Variants in NAALADL2 observed in about 807,000 individuals in gnomAD.
The protein encoded by NAALADL2 is inactive N-acetylated-alpha-linked acidic dipeptidase-like protein 2.
In NAALADL2, 76 loss-of-function variants were observed where a neutral mutation model predicts 87.2. That is an observed-to-expected ratio of 0.87 (90% CI 0.72 to 1.05). The LOEUF (loss-of-function observed/expected upper bound fraction) is 1.05. Among genes scored for constraint, NAALADL2 ranks in the 50% least tolerant of loss-of-function variants. The probability of loss-of-function intolerance (pLI) is 0.00; values close to 1 mark genes in which losing one functional copy is unlikely to be tolerated. For synonymous variants in NAALADL2, 354 were observed against 331.0 expected, an observed-to-expected ratio of 1.07 and a Z score of -0.75; for missense variants, 1,089 against 945.8, an observed-to-expected ratio of 1.15 and a Z score of -1.99.
intron 1 of NAALADL2, among the ~76,000 whole-genome samples, chr3:174,985,527 A>G (rs1448258582): frequency 2.0e-5 from 3 of 152,190 alleles, no homozygotes; most frequent in Non-Finnish European, 4.4e-5. Flanking sequence ...TTCTACCTGT[A>G]TATCTAAATT....
chr3:174,869,067 G>A (rs1475745146), intron 1 of NAALADL2, among the ~76,000 whole-genome samples: 3 of 152,006 alleles, frequency 2.0e-5, no homozygotes, highest in African/African-American at 7.3e-5. Context: ...ATTCATGCTG[G>A]GAATTTCTAT....
intron 2 of NAALADL2, among the ~76,000 whole-genome samples, chr3:174,594,097 T>C (rs555794685): frequency 1.5e-5 from 2 of 129,764 alleles, no homozygotes; most frequent in East Asian, 5.7e-4. Context: ...GAATTTTTTT[T>C]CTTTAGTCAG....
At chr3:175,673,499 A>C (rs929225672) in intron 11 of NAALADL2, among the ~76,000 whole-genome samples, 2 of 152,160 alleles carry the variant, frequency 1.3e-5, no homozygotes, top group Non-Finnish European at 2.9e-5. Flanking sequence ...CTGGACCTTA[A>C]ATTTCAACTG....
At chr3:175,405,687 A>G (rs1712207070) in intron 5 of NAALADL2, among the ~76,000 whole-genome samples, 1 of 147,874 alleles carries the variant, frequency 6.8e-6, no homozygotes, top group African/African-American at 2.5e-5. Flanking sequence ...AGAAATAACA[A>G]TGAACAATGA....
intron 1 of NAALADL2, among the ~76,000 whole-genome samples, chr3:175,008,695 A>G (rs969217877): frequency 6.6e-6 from 1 of 152,158 alleles, no homozygotes; most frequent in African/African-American, 2.4e-5. Flanking sequence ...TTCATGTTCT[A>G]GGCTATAGGG....
intron 10 of NAALADL2, among the ~76,000 whole-genome samples, chr3:175,576,869 A>T (rs1232314215): frequency 6.6e-6 from 1 of 152,236 alleles, no homozygotes; most frequent in Non-Finnish European, 1.5e-5. Context: ...AGAATGGCTT[A>T]CTTGAGGTAA....
intron 1 of NAALADL2, chr3:174,459,524 G>C (rs1716062838): frequency 6.6e-6 from 1 of 152,220 alleles, no homozygotes; most frequent in African/African-American, 2.4e-5. Context: ...TGACTTGAGG[G>C]AATGCTTATT....
At chr3:175,033,236 T>C (rs1752996763) in intron 1 of NAALADL2, among the ~76,000 whole-genome samples, 1 of 151,970 alleles carries the variant, frequency 6.6e-6, no homozygotes, top group Non-Finnish European at 1.5e-5. Context: ...AGCTCCCTCC[T>C]TTTCTGAGGA....
chr3:174,610,063 A>T (rs146378261), intron 2 of NAALADL2, among the ~76,000 whole-genome samples: 1 of 151,272 alleles, frequency 6.6e-6, no homozygotes, highest in Non-Finnish European at 1.5e-5. Flanking sequence ...AGCAATGGGG[A>T]AAGGATTCCC....
intron 2 of NAALADL2, among the ~76,000 whole-genome samples, chr3:175,199,566 T>G (rs1024096622): frequency 1.3e-5 from 2 of 151,828 alleles, no homozygotes; most frequent in Admixed American, 1.3e-4. Context: ...AAATTGTAAG[T>G]ATCAAGTTAG....
intron 3 of NAALADL2, among the ~76,000 whole-genome samples, chr3:174,808,487 A>T (rs775151221): frequency 6.6e-6 from 1 of 152,150 alleles, no homozygotes; most frequent in Non-Finnish European, 1.5e-5. Flanking sequence ...TGTGAACTAG[A>T]TATAGCATTG....
chr3:175,699,663 T>C (rs1291218087), intron 11 of NAALADL2, among the ~76,000 whole-genome samples: 2 of 152,076 alleles, frequency 1.3e-5, no homozygotes, highest in Admixed American at 1.3e-4. Context: ...TGTTTACCTT[T>C]TATGAAACTA....
At chr3:174,638,651 T>A (rs1040561763) in intron 2 of NAALADL2, among the ~76,000 whole-genome samples, 1 of 152,038 alleles carries the variant, frequency 6.6e-6, no homozygotes, top group African/African-American at 2.4e-5. Context: ...TTAAGAAGAC[T>A]AAGATTTTCA....
At chr3:174,535,421 C>T (rs1721634640) in intron 1 of NAALADL2, among the ~76,000 whole-genome samples, 1 of 152,074 alleles carries the variant, frequency 6.6e-6, no homozygotes, top group African/African-American at 2.4e-5. Context: ...ATAGTATTAT[C>T]CTAACAGACA....
intron 2 of NAALADL2, among the ~76,000 whole-genome samples, chr3:175,137,772 TTTG>T (rs2108691475): frequency 6.7e-6 from 1 of 150,322 alleles, no homozygotes; most frequent in Admixed American, 6.7e-5. Context: ...CTAAGTTTGT[TTTG>T]TTTTGTTTTG....
At chr3:175,368,327 T>G (rs1243115004) in intron 5 of NAALADL2, among the ~76,000 whole-genome samples, 2 of 152,264 alleles carry the variant, frequency 1.3e-5, no homozygotes, top group African/African-American at 4.8e-5. Flanking sequence ...CTTTTTTGGT[T>G]GTGTCTCTGC....
At chr3:175,658,529 G>T (rs533551181) in intron 11 of NAALADL2, among the ~76,000 whole-genome samples, 1 of 151,934 alleles carries the variant, frequency 6.6e-6, no homozygotes, top group East Asian at 1.9e-4. Context: ...TAGTTTAATG[G>T]GTAAAATATG....
intron 3 of NAALADL2, among the ~76,000 whole-genome samples, chr3:174,837,224 A>G (rs1235279821): frequency 1.3e-5 from 2 of 152,196 alleles, no homozygotes; most frequent in African/African-American, 4.8e-5. Context: ...TTGAAAAGAT[A>G]AATACAATTG....
chr3:174,477,667 A>G (rs1466541389), intron 1 of NAALADL2, among the ~76,000 whole-genome samples: 1 of 152,212 alleles, frequency 6.6e-6, no homozygotes, highest in Non-Finnish European at 1.5e-5. Flanking sequence ...TGCATGCTGT[A>G]GCTTAGCTGT....
Sources: allele counts gnomAD v4.1 joint callset (sites outside exome capture counted in the v4.1 genomes callset), GRCh38; gene constraint gnomAD v4.1.1; transcripts MANE v1.5; gene names NCBI Gene and HGNC (gene_info 2026-07-23, HGNC 2026-07-21).